TEX9: variants seen among roughly 807,000 people sequenced by gnomAD.
TEX9 encodes testis-expressed protein 9.
A neutral mutation model predicts 59.6 loss-of-function variants in TEX9; 74 were observed. The observed-to-expected ratio is 1.24, with a 90% CI of 1.03 to 1.51. The LOEUF (loss-of-function observed/expected upper bound fraction) is 1.51. TEX9 is among the 40% of genes most tolerant of loss of function. The pLI, the probability that TEX9 is intolerant of heterozygous loss-of-function variation, is 0.00. For missense variants in TEX9, 522 were observed against 447.8 expected, an observed-to-expected ratio of 1.17 and a Z score of -1.49; for synonymous variants, 186 against 152.2, an observed-to-expected ratio of 1.22 and a Z score of -1.64.
At chr15:56,394,489 TA>T in intron 8 of TEX9, 171 bp from the exon 9 acceptor site, 1 of 636,892 alleles carries the variant, frequency 1.6e-6, no homozygotes, top group South Asian at 2.3e-5. Flanking sequence ...TGTAAGCTAT[TA>T]AATGCAAATA....
At chr15:56,304,871 C>T (rs1376081051) in intron 1 of TEX9, among the ~76,000 whole-genome samples, 1 of 152,132 alleles carries the variant, frequency 6.6e-6, no homozygotes, top group Non-Finnish European at 1.5e-5. Flanking sequence ...CACAGGCATA[C>T]ACCACCATGC....
intron 3 of TEX9, among the ~76,000 whole-genome samples, chr15:56,378,957 G>A (rs1442737893): frequency 2.6e-5 from 4 of 151,866 alleles, no homozygotes; most frequent in Admixed American, 1.3e-4. Context: ...CCAACTACTT[G>A]AGGGGCTGAG....
intron 1 of TEX9, among the ~76,000 whole-genome samples, chr15:56,299,414 A>G (rs2045289836): frequency 6.6e-6 from 1 of 152,184 alleles, no homozygotes; most frequent in African/African-American, 2.4e-5. Context: ...ACCATGGGCT[A>G]AAACACTCAG....
At chr15:56,284,949 A>G (rs1285077445) in intron 1 of TEX9, among the ~76,000 whole-genome samples, 2 of 152,170 alleles carry the variant, frequency 1.3e-5, no homozygotes, top group Admixed American at 1.3e-4. Flanking sequence ...GACTTGCTTT[A>G]TAGCTCAATT....
chr15:56,271,550 T>G (rs1160625891), intron 1 of TEX9, among the ~76,000 whole-genome samples: 1 of 152,110 alleles, frequency 6.6e-6, no homozygotes, highest in African/African-American at 2.4e-5. Context: ...CCACCCACCT[T>G]GGCTTCCCAA....
intron 4 of TEX9, among the ~76,000 whole-genome samples, chr15:56,386,438 A>G (rs1424319210): frequency 6.6e-6 from 1 of 152,012 alleles, no homozygotes; most frequent in Non-Finnish European, 1.5e-5. Flanking sequence ...TTATATCTCA[A>G]ACCTGAAAAA....
At chr15:56,302,549 C>T (rs148863437) in intron 1 of TEX9, among the ~76,000 whole-genome samples, 345 of 151,264 alleles carry the variant, frequency 2.3e-3, no homozygotes, top group African/African-American at 8.0e-3. Context: ...AACAAACCTA[C>T]GAAAGATACA....
intron 2 of TEX9, among the ~76,000 whole-genome samples, chr15:56,366,260 T>C (rs2046938073): frequency 6.6e-6 from 1 of 152,228 alleles, no homozygotes; most frequent in African/African-American, 2.4e-5. Context: ...ACCATGCCTT[T>C]GCTTAAAATT....
chr15:56,369,813 C>T (rs1003430645), intron 2 of TEX9, among the ~76,000 whole-genome samples: 2 of 152,118 alleles, frequency 1.3e-5, no homozygotes, highest in Admixed American at 6.5e-5. Context: ...GGTATCCTCA[C>T]CTTTTTTCTT....
At chr15:56,400,295 C>G (rs1175877308) in intron 9 of TEX9, among the ~76,000 whole-genome samples, 1 of 152,082 alleles carries the variant, frequency 6.6e-6, no homozygotes, top group Non-Finnish European at 1.5e-5. Context: ...CTTAAATGAC[C>G]TGATGGAGCT....
chr15:56,430,315 T>TA (rs1351239642), intron 12 of TEX9, among the ~76,000 whole-genome samples, 161 bp downstream of exon 12: 4 of 152,264 alleles, frequency 2.6e-5, no homozygotes, highest in Admixed American at 2.6e-4. Context: ...CAAGCAATCT[T>TA]CCAACCTCAG....
At chr15:56,358,329 G>A (rs1460119737) in intron 1 of TEX9, among the ~76,000 whole-genome samples, 2 of 148,724 alleles carry the variant, frequency 1.3e-5, no homozygotes, top group African/African-American at 4.9e-5. Context: ...GTTCAGTAAT[G>A]CATAGATAAG....
At chr15:56,259,911 A>G (rs2044225552) in intron 1 of TEX9, among the ~76,000 whole-genome samples, 1 of 152,076 alleles carries the variant, frequency 6.6e-6, no homozygotes, top group East Asian at 1.9e-4. Context: ...GTTAGATCTT[A>G]TGTAATTTTT....
the TEX9 span, among the ~76,000 whole-genome samples, chr15:56,458,159 A>G: frequency 6.6e-6 from 1 of 152,258 alleles, no homozygotes; most frequent in Non-Finnish European, 1.5e-5. Context: ...TTCTTGGTAC[A>G]TGTTATTTTT....
upstream of TEX9, among the ~76,000 whole-genome samples, chr15:56,361,095 CACAGA>C (rs1323779626): frequency 1.3e-5 from 2 of 152,136 alleles, no homozygotes; most frequent in African/African-American, 4.8e-5. Context: ...CAGAAAATAA[CACAGA>C]ACAGGTTACT....
chr15:56,269,676 G>A (rs1487233286), intron 1 of TEX9, among the ~76,000 whole-genome samples: 1 of 143,606 alleles, frequency 7.0e-6, no homozygotes, highest in Non-Finnish European at 1.5e-5. Flanking sequence ...TTTTTGAGAC[G>A]GAGTCTCGCT....
chr15:56,319,818 G>T (rs2045862978), intron 1 of TEX9, among the ~76,000 whole-genome samples: 1 of 152,188 alleles, frequency 6.6e-6, no homozygotes, highest in South Asian at 2.1e-4. Flanking sequence ...CAGATGGGGG[G>T]AAGTTGGAAA....
In TEX9 at chr15:56,300,618, C is replaced by G. The variant is rs112834633; in HGVS notation, c.-107+56340C>G. 7.8e-3 allele frequency among the ~76,000 whole-genome samples: 1,177 copies of G among 151,380 alleles called. 14 individuals are homozygous for G. The highest frequency in any genetic ancestry group is 0.028 in the African/African-American group (1,142 of 41,206). On this transcript the variant is annotated intron_variant, in intron 1 of 5. Coordinates refer to the TEX9 transcript ENST00000560827. ...TATTGTGCTGGCTTTGGGTCTGACC[C>G]AGCACGTTCCCAGTGGTGGCCACAG...
chr15:56,362,107 C>G (rs545722979), upstream of TEX9, among the ~76,000 whole-genome samples: 5 of 152,174 alleles, frequency 3.3e-5, no homozygotes, highest in South Asian at 1.0e-3. Context: ...TCCATGCGAC[C>G]TTGAGAAAAA....
Sources: allele counts gnomAD v4.1 joint callset (sites outside exome capture counted in the v4.1 genomes callset), GRCh38; gene constraint gnomAD v4.1.1; transcripts MANE v1.5; gene names NCBI Gene and HGNC (gene_info 2026-07-23, HGNC 2026-07-21).